Variants in PAM16 observed in about 807,000 individuals in gnomAD.
PAM16 encodes the protein presequence translocase associated motor 16, also known as mitochondrial import inner membrane translocase subunit TIM16.
Under a neutral mutation model 17.9 loss-of-function variants are expected in PAM16, and 11 were observed. The ratio of observed to expected loss-of-function variants is 0.62; its 90% CI spans 0.39 to 1.02. The LOEUF is 1.02. PAM16 is among the 50% of genes least tolerant of loss of function. The probability of loss-of-function intolerance (pLI) is 0.01; values close to 1 mark genes in which losing one functional copy is unlikely to be tolerated. For synonymous variants in PAM16, 72 were observed against 67.4 expected (o/e 1.07, Z -0.34); for missense variants, 199 against 165.4 (o/e 1.20, Z -1.11).
At chr16:4,350,901 C>A (rs1018011986) in intron 1 of PAM16, 6 of 249,990 alleles carry the variant, frequency 2.4e-5, no homozygotes, top group African/African-American at 1.1e-4. Flanking sequence ...GACTCTGCAG[C>A]GCTGTAAGGT....
intron 3 of PAM16, 46 bp downstream of exon 3, chr16:4,341,322 T>G (rs1016483926): frequency 5.2e-6 from 8 of 1,541,634 alleles, no homozygotes; most frequent in Non-Finnish European, 7.0e-6. Context: ...CTTCCCACCC[T>G]GGCAGCCTCT....
Position 4,351,289 on chromosome 16 carries a change from G to GGATCAAGCGTGGTCGGC in PAM16, c.-72_-56dup, listed in dbSNP as rs1362641293. The GGATCAAGCGTGGTCGGC allele has an allele frequency of 7.1e-7, 1 of 1,414,888 alleles. No homozygotes were observed. The highest frequency in any genetic ancestry group is 1.5e-5 in the African/African-American group (1 of 68,380). The allele number at this position is 1,414,888 out of a possible 1,614,324, so 87.6% of individuals were successfully genotyped here. A position where few individuals can be genotyped will look rare whatever the true frequency, so the allele number is the denominator to read the frequency against. On this transcript the variant is annotated 5_prime_UTR_variant, in exon 1 of 5. Coordinates refer to ENST00000318059, the MANE Select transcript of PAM16 (RefSeq NM_016069.11). ...TCCGACTTCCTGGCCCCGCGGCCGG[G>GGATCAAGCGTGGTCGGC]GATCAAGCGTGGTCGGCGGGTCAGA...
chr16:4,342,682 C>A (rs967142694), intron 2 of PAM16, among the ~76,000 whole-genome samples: 14 of 151,008 alleles, frequency 9.3e-5, no homozygotes, highest in Non-Finnish European at 1.6e-4. Flanking sequence ...TTTACAAAAC[C>A]AGGGCCGGGC....
chr16:4,349,851 T>C (rs376322667), intron 1 of PAM16, among the ~76,000 whole-genome samples: 7 of 152,220 alleles, frequency 4.6e-5, no homozygotes, highest in East Asian at 1.9e-4. Flanking sequence ...TGCATGACTA[T>C]GGTGGAGTCA....
At chr16:4,341,218 T>C (rs1335496291) in intron 3 of PAM16, 150 bp downstream of exon 3, 2 of 1,367,542 alleles carry the variant, frequency 1.5e-6, no homozygotes, top group Non-Finnish European at 9.9e-7. Context: ...GGCCTAAAAC[T>C]TCACGAGCAA....
At chr16:4,349,878 A>G (rs551356570) in intron 1 of PAM16, among the ~76,000 whole-genome samples, 6 of 152,324 alleles carry the variant, frequency 3.9e-5, no homozygotes, top group Non-Finnish European at 7.4e-5. Context: ...TCTGGGGCTC[A>G]GGTTCCTTAT....
Position 4,340,936 on chromosome 16 carries a change from A to G in PAM16, c.275T>C (p.Phe92Ser), listed in dbSNP as rs2053634595. The change falls in exon 4 of 5, where the codon TTC (phenylalanine) becomes TCC (serine). Residue 92 changes from phenylalanine to serine, a missense_variant. Coordinates refer to ENST00000318059, the MANE Select transcript of PAM16 (RefSeq NM_016069.11). ...KVNDKSVGGS[F>S]YLQSKVVRAK... Reference sequence around the variant, plus strand: ...ACCACTCACCTTTGACTGCAGGTAGAAGGAGCCACCCACGGATTTATCATT... The same window carrying G: ...ACCACTCACCTTTGACTGCAGGTAGGAGGAGCCACCCACGGATTTATCATT... 5 of 1,613,654 alleles carry G rather than the reference A, an allele frequency of 3.1e-6. No homozygotes were observed. The highest frequency in any genetic ancestry group is 4.2e-6 in the Non-Finnish European group (5 of 1,179,964).
chr16:4,341,596 C>G, intron 2 of PAM16, 92 bp from the exon 3 acceptor site: 1 of 1,494,916 alleles, frequency 6.7e-7, no homozygotes, highest in Non-Finnish European at 8.9e-7. Context: ...GCCACCAGCA[C>G]AGGATGAGAG....
At chr16:4,347,025 T>A (rs1017098291) in intron 1 of PAM16, 13 of 152,296 alleles carry the variant, frequency 8.5e-5, no homozygotes, top group African/African-American at 3.1e-4. Context: ...GGCCTTTTTT[T>A]TGGAAGCAGA....
chr16:4,341,436 C>A lies in PAM16; in HGVS notation c.157G>T (p.Gly53Cys). ...HRSAAASNLS[G>C]LSLQEAQQIL... is the part of the protein sequence containing the mutation. Reference sequence around the variant, plus strand: ...TGCTGTGCCTCCTGGAGGCTGAGGCCGGAGAGGTTGGAAGCGGCTGCAGAC... The same window carrying A: ...TGCTGTGCCTCCTGGAGGCTGAGGCAGGAGAGGTTGGAAGCGGCTGCAGAC... Residue 53 changes from glycine to cysteine, a missense_variant, in exon 3 of 5, where the codon GGC becomes TGC. Physicochemically the swap from Gly to Cys is radical, Grantham distance 159 (BLOSUM62 -3). Coordinates refer to ENST00000318059, the MANE Select transcript of PAM16 (RefSeq NM_016069.11). The A allele has an allele frequency of 6.2e-7, 1 of 1,608,170 alleles. No homozygotes were observed. The highest frequency in any genetic ancestry group is 8.5e-7 in the Non-Finnish European group (1 of 1,178,078).
chr16:4,343,510 G>A lies in PAM16; in HGVS notation c.4-219C>T, dbSNP rs180929881. ...GACAGGCAGGCAGGCGGGTGAACTT[G>A]ACCGAGCTCCCAGAGGCAGACTGGC... On this transcript the variant is annotated intron_variant, in intron 1 of 4. Transcript: ENST00000318059. The A allele has an allele frequency of 3.4e-5, 48 of 1,428,064 alleles. 1 individual carries two copies. The Admixed American group carries it at 1.4e-3, about 41-fold the overall frequency. The allele number at this position is 1,428,064 out of a possible 1,614,324, so 88.5% of individuals were successfully genotyped here.
intron 1 of PAM16, chr16:4,343,715 G>A (rs2053688014): frequency 2.1e-6 from 1 of 469,520 alleles, no homozygotes; most frequent in Non-Finnish European, 3.5e-6. Context: ...AGATCATCAG[G>A]CCCAACCTTT....
Position 4,351,263 on chromosome 16 carries a change from C to G in PAM16, c.-29G>C. On this transcript the variant is annotated 5_prime_UTR_variant, in exon 1 of 5. Coordinates refer to ENST00000318059, the MANE Select transcript of PAM16 (RefSeq NM_016069.11). ...AGCCGCTCTGCCTCCGGGGCTCAAA[C>G]TCCGACTTCCTGGCCCCGCGGCCGG... 2.0e-6 allele frequency: 3 copies of G among 1,463,512 alleles called. No homozygotes were observed. In the East Asian group the frequency reaches 8.1e-5, roughly 40 times the overall value. The allele number at this position is 1,463,512 out of a possible 1,614,324, so 90.7% of individuals were successfully genotyped here.
intron 1 of PAM16, chr16:4,343,674 G>C: frequency 1.4e-6 from 1 of 714,460 alleles, no homozygotes; most frequent in East Asian, 3.3e-5. Flanking sequence ...TCTCGACCCT[G>C]GGGCCGACCA....
intron 1 of PAM16, chr16:4,348,094 G>C (rs1305424758): frequency 2.6e-5 from 4 of 152,208 alleles, no homozygotes; most frequent in Non-Finnish European, 5.9e-5. Flanking sequence ...AGGACACTCT[G>C]GTCACCCAGG....
Position 4,341,474 on chromosome 16 carries a change from C to T in PAM16, c.119G>A (p.Arg40His), listed in dbSNP as rs942379173. Residue 40 changes from arginine (R) to histidine (H), a missense_variant, in exon 3 of 5, where the codon CGC becomes CAC. Transcript: ENST00000318059. Reference protein sequence around the residue: ...ASRAAADARGRAGHRSAAASN... With the variant: ...ASRAAADARGHAGHRSAAASN... The stretch of plus-strand genomic sequence containing the variant: ...AGCGGCTGCAGACCGGTGTCCAGCG[C>T]GTCCTCGGGCATCAGCTGCGGCCCG... 4.3e-6 allele frequency: 7 copies of T among 1,610,142 alleles called. No individual in the cohort carries two copies. The African/African-American group carries it at 8.0e-5, about 18-fold the overall frequency.
rs182545933 is a variant in PAM16 at position 4,349,675 on chromosome 16, G to A, written c.3+1557C>T. On this transcript the variant is annotated intron_variant, in intron 1 of 4. Coordinates refer to ENST00000318059, the MANE Select transcript of PAM16 (RefSeq NM_016069.11). ...CCAACTACTTGGGGGTCTAAGGTAG[G>A]AGGATGGCTTGAGCCTAGGAGTTCA... is the stretch of plus-strand genomic sequence containing the variant. Among the ~76,000 whole-genome samples, 56 of 152,184 alleles carry A rather than the reference G, an allele frequency of 3.7e-4. 1 individual carries two copies. Among genetic ancestry groups the A allele is most frequent in the African/African-American group, 1.3e-3 (54 of 41,526 alleles).
intron 1 of PAM16, among the ~76,000 whole-genome samples, chr16:4,349,498 A>G (rs1367479176): frequency 1.3e-5 from 2 of 152,108 alleles, no homozygotes; most frequent in Admixed American, 1.3e-4. Flanking sequence ...AAATGGGAGG[A>G]TCACCTAAGC....
chr16:4,342,957 C>T (rs2053672256), intron 2 of PAM16, among the ~76,000 whole-genome samples: 1 of 152,044 alleles, frequency 6.6e-6, no homozygotes, highest in Non-Finnish European at 1.5e-5. Context: ...GACTCCATCT[C>T]CAAAAAAAGA....
Sources: gnomAD v4.1 joint callset for allele counts (sites outside exome capture counted in the v4.1 genomes callset) on GRCh38, gnomAD v4.1.1 for gene constraint, MANE v1.5 for transcripts, NCBI Gene and HGNC (gene_info 2026-07-23, HGNC 2026-07-21) for gene names.